Variants in PABPC4L observed in about 807,000 individuals in gnomAD.
PABPC4L encodes poly(A) binding protein cytoplasmic 4 like.
For synonymous variants in PABPC4L, 169 were observed against 164.1 expected (o/e 1.03, Z -0.23); for missense variants, 452 against 451.4 (o/e 1.00, Z -0.01).
At chr4:134,038,202 T>C in the PABPC4L span, among the ~76,000 whole-genome samples, 1 of 152,190 alleles carries the variant, frequency 6.6e-6, no homozygotes, top group Non-Finnish European at 1.5e-5. Context: ...AGCTTTTTGA[T>C]GTGCTGCTGG....
the PABPC4L span, among the ~76,000 whole-genome samples, chr4:134,064,971 C>T: frequency 1.3e-5 from 2 of 151,884 alleles, no homozygotes; most frequent in African/African-American, 2.4e-5. Flanking sequence ...CTATATGCAC[C>T]ACAATTTCTT....
chr4:134,042,198 G>A, the PABPC4L span, among the ~76,000 whole-genome samples: 2 of 152,254 alleles, frequency 1.3e-5, no homozygotes. Flanking sequence ...ACCAGCTACT[G>A]CATAGATACT....
At chr4:134,157,662 T>C in the PABPC4L span, among the ~76,000 whole-genome samples, 2 of 151,854 alleles carry the variant, frequency 1.3e-5, no homozygotes, top group Admixed American at 6.6e-5. Flanking sequence ...TGGCATCAAT[T>C]TTGTACTTTT....
At chr4:134,105,338 T>A in the PABPC4L span, among the ~76,000 whole-genome samples, 2 of 151,740 alleles carry the variant, frequency 1.3e-5, no homozygotes, top group Non-Finnish European at 2.9e-5. Context: ...ACTGATTTTG[T>A]TTAAACATTT....
At chr4:134,120,663 A>G in the PABPC4L span, among the ~76,000 whole-genome samples, 3 of 151,270 alleles carry the variant, frequency 2.0e-5, no homozygotes, top group Non-Finnish European at 3.0e-5. Flanking sequence ...CTATTACATA[A>G]TCTTTTGTCA....
the PABPC4L span, among the ~76,000 whole-genome samples, chr4:134,012,271 T>C: frequency 2.0e-5 from 3 of 152,104 alleles, no homozygotes; most frequent in South Asian, 2.1e-4. Context: ...ACGTACACAC[T>C]CAGATGGCCA....
chr4:134,028,550 G>C, the PABPC4L span, among the ~76,000 whole-genome samples: 1 of 151,424 alleles, frequency 6.6e-6, no homozygotes, highest in Non-Finnish European at 1.5e-5. Flanking sequence ...CAACTTCACT[G>C]TTAATAGGCC....
the PABPC4L span, among the ~76,000 whole-genome samples, chr4:134,070,664 G>A: frequency 6.6e-6 from 1 of 152,032 alleles, no homozygotes. Flanking sequence ...GGTCACTGTG[G>A]GCCAGCAAAA....
the PABPC4L span, among the ~76,000 whole-genome samples, chr4:134,061,776 C>A: frequency 6.7e-6 from 1 of 150,278 alleles, no homozygotes; most frequent in Non-Finnish European, 1.5e-5. Context: ...AGCATAAATG[C>A]TCATGTCTTA....
the PABPC4L span, among the ~76,000 whole-genome samples, chr4:133,985,902 T>C: frequency 6.6e-5 from 10 of 152,096 alleles, no homozygotes; most frequent in Admixed American, 6.6e-4. Flanking sequence ...TTTCCAAAGC[T>C]ATAGCAATGC....
chr4:134,047,282 G>A, the PABPC4L span, among the ~76,000 whole-genome samples: 2 of 152,062 alleles, frequency 1.3e-5, 1 homozygote, highest in Non-Finnish European at 2.9e-5. Context: ...ATCCCCACAG[G>A]GTTGAAAGAG....
the PABPC4L span, among the ~76,000 whole-genome samples, chr4:134,174,872 T>C: frequency 6.6e-6 from 1 of 152,196 alleles, no homozygotes; most frequent in Non-Finnish European, 1.5e-5. Flanking sequence ...GTTGTTTTTA[T>C]AATTTCTCTC....
the PABPC4L span, among the ~76,000 whole-genome samples, chr4:134,172,624 C>T: frequency 6.6e-6 from 1 of 151,840 alleles, no homozygotes; most frequent in African/African-American, 2.4e-5. Context: ...GATGAAGATG[C>T]CAAAAACAAT....
chr4:134,056,169 A>T, the PABPC4L span, among the ~76,000 whole-genome samples: 1 of 151,924 alleles, frequency 6.6e-6, no homozygotes, highest in African/African-American at 2.4e-5. Context: ...TGTTTTATTG[A>T]TCTGATATTG....
chr4:134,105,759 A>G, the PABPC4L span, among the ~76,000 whole-genome samples: 1 of 151,668 alleles, frequency 6.6e-6, no homozygotes, highest in Non-Finnish European at 1.5e-5. Context: ...AAAACTAGAA[A>G]GGTGGCTGTA....
At chr4:134,181,837 G>A in the PABPC4L span, among the ~76,000 whole-genome samples, 11 of 151,644 alleles carry the variant, frequency 7.3e-5, no homozygotes, top group African/African-American at 1.4e-4. Flanking sequence ...TCTCTACAAC[G>A]AGAATTACAA....
rs1272420625 is a variant in PABPC4L, at chr4:134,199,686, T to C, written c.*221A>G. 1.9e-6 allele frequency: 1 copy of C among 531,508 alleles called. No individual in the cohort carries two copies. The highest frequency in any genetic ancestry group is 1.9e-5 in the African/African-American group (1 of 51,726). The allele number at this position is 531,508 out of a possible 1,614,324, so 32.9% of individuals were successfully genotyped here. On this transcript the variant is annotated 3_prime_UTR_variant, in exon 2 of 2. Coordinates refer to ENST00000421491, the MANE Select transcript of PABPC4L (RefSeq NM_001114734.2). ...ATCAAAATAAGAAAAATGTGCAATA[T>C]TAAAATTAGAAAATGTGCCTCTGTA...
chr4:134,106,606 T>A, the PABPC4L span, among the ~76,000 whole-genome samples: 1 of 151,440 alleles, frequency 6.6e-6, no homozygotes, highest in Admixed American at 6.6e-5. Context: ...AGTGACTATA[T>A]CAATGGAAAC....
chr4:134,158,796 G>A, the PABPC4L span, among the ~76,000 whole-genome samples: 2 of 151,964 alleles, frequency 1.3e-5, no homozygotes, highest in Non-Finnish European at 2.9e-5. Flanking sequence ...CTGAAAAATG[G>A]CATCATTAGG....
Sources: allele counts gnomAD v4.1 joint callset (sites outside exome capture counted in the v4.1 genomes callset), GRCh38; gene constraint gnomAD v4.1.1; transcripts MANE v1.5; gene names NCBI Gene and HGNC (gene_info 2026-07-23, HGNC 2026-07-21).